The following RNLS variants were observed in gnomAD, a reference collection of about 807,000 sequenced individuals.
The protein encoded by RNLS is renalase.
A neutral mutation model predicts 39.8 loss-of-function variants in RNLS; 39 were observed. The ratio of observed to expected loss-of-function variants is 0.98; its 90% CI spans 0.76 to 1.28. RNLS has a LOEUF of 1.28. RNLS is among the 50% of genes most tolerant of loss of function. The pLI, the probability that RNLS is intolerant of heterozygous loss-of-function variation, is 0.00. For synonymous variants in RNLS, 147 were observed against 150.7 expected (o/e 0.98, Z 0.18); for missense variants, 410 against 413.3 (o/e 0.99, Z 0.07).
chr10:88,451,978 C>T (rs976751923), intron 4 of RNLS, among the ~76,000 whole-genome samples: 5 of 152,188 alleles, frequency 3.3e-5, no homozygotes, highest in Admixed American at 2.0e-4. Context: ...CTGCAAGTTG[C>T]CTAACTAGAA....
the RNLS span, among the ~76,000 whole-genome samples, chr10:88,241,456 C>G: frequency 3.9e-5 from 6 of 152,124 alleles, no homozygotes; most frequent in South Asian, 2.1e-4. Context: ...TCATGTGATT[C>G]TCTTATGATT....
At chr10:88,427,276 C>T (rs1248102034) in intron 4 of RNLS, among the ~76,000 whole-genome samples, 1 of 151,984 alleles carries the variant, frequency 6.6e-6, no homozygotes, top group Non-Finnish European at 1.5e-5. Flanking sequence ...AAAAGTCCTA[C>T]TGTGCTGGAG....
At chr10:88,266,526 C>A in the RNLS span, among the ~76,000 whole-genome samples, 2 of 152,098 alleles carry the variant, frequency 1.3e-5, no homozygotes, top group African/African-American at 4.8e-5. Flanking sequence ...ATTTCTAATC[C>A]CATTGCTTTG....
chr10:88,197,373 C>T, the RNLS span, among the ~76,000 whole-genome samples: 4 of 152,176 alleles, frequency 2.6e-5, no homozygotes, highest in African/African-American at 4.8e-5. Flanking sequence ...CAATATGGCA[C>T]CTTCCTGGGG....
chr10:88,201,658 A>C, the RNLS span, among the ~76,000 whole-genome samples: 220 of 150,980 alleles, frequency 1.5e-3, 1 homozygote, highest in Middle Eastern at 6.8e-3. Context: ...CCCTCGCTGA[A>C]CCCTTCTTAG....
chr10:88,232,327 T>A, the RNLS span, among the ~76,000 whole-genome samples: 1 of 152,198 alleles, frequency 6.6e-6, no homozygotes, highest in East Asian at 1.9e-4. Context: ...AGAATGGTGA[T>A]GAGATCCAGA....
intron 4 of RNLS, among the ~76,000 whole-genome samples, chr10:88,501,987 A>G (rs1310506891): frequency 6.6e-6 from 1 of 152,082 alleles, no homozygotes; most frequent in Non-Finnish European, 1.5e-5. Context: ...GTTAGTTTAC[A>G]AGTTTCTGGA....
At chr10:88,331,420 A>G (rs1847100843) in intron 5 of RNLS, among the ~76,000 whole-genome samples, 1 of 152,228 alleles carries the variant, frequency 6.6e-6, no homozygotes, top group Non-Finnish European at 1.5e-5. Context: ...TATTTCTTCA[A>G]TTATTGATTC....
At chr10:88,486,195 C>G (rs982295257) in intron 4 of RNLS, among the ~76,000 whole-genome samples, 1 of 151,942 alleles carries the variant, frequency 6.6e-6, no homozygotes, top group African/African-American at 2.4e-5. Flanking sequence ...TGGGCCCCTT[C>G]CTTATATCAT....
chr10:88,208,461 T>G, the RNLS span, among the ~76,000 whole-genome samples: 4 of 152,296 alleles, frequency 2.6e-5, no homozygotes, highest in East Asian at 5.8e-4. Context: ...AGTGATATTT[T>G]ACTAAAGAGT....
At chr10:88,467,935 T>C (rs1310088962) in intron 4 of RNLS, among the ~76,000 whole-genome samples, 3 of 152,218 alleles carry the variant, frequency 2.0e-5, no homozygotes, top group Non-Finnish European at 4.4e-5. Context: ...ATATTACACT[T>C]TGGGAAGCAT....
At chr10:88,359,701 A>G (rs573920903) in intron 5 of RNLS, among the ~76,000 whole-genome samples, 12 of 152,354 alleles carry the variant, frequency 7.9e-5, no homozygotes, top group African/African-American at 2.6e-4. Context: ...AATTTTTAAA[A>G]TTCTATTATT....
At chr10:88,494,073 T>A (rs1006749557) in intron 4 of RNLS, among the ~76,000 whole-genome samples, 2 of 152,052 alleles carry the variant, frequency 1.3e-5, no homozygotes, top group Admixed American at 6.6e-5. Context: ...GTAATAAAAA[T>A]AAGAAACATA....
At chr10:88,172,849 T>TGTTTTTTTG in the RNLS span, among the ~76,000 whole-genome samples, 5 of 43,480 alleles carry the variant, frequency 1.1e-4, no homozygotes, top group Non-Finnish European at 2.3e-4. Context: ...GTTGTTTTTT[T>TGTTTTTTTG]TTTTTTTTTT....
At chr10:88,257,845 A>G in the RNLS span, among the ~76,000 whole-genome samples, 2 of 152,244 alleles carry the variant, frequency 1.3e-5, no homozygotes, top group African/African-American at 4.8e-5. Context: ...ATCCATGACT[A>G]TAAATGACTT....
chr10:88,510,849 GAA>G (rs950402467), intron 4 of RNLS, among the ~76,000 whole-genome samples: 1 of 133,830 alleles, frequency 7.5e-6, no homozygotes, highest in Non-Finnish European at 1.6e-5. Flanking sequence ...TCTGTTTCGA[GAA>G]AAAAAAAAAA....
chr10:88,513,617 A>G (rs1488602253), intron 4 of RNLS, among the ~76,000 whole-genome samples: 1 of 152,120 alleles, frequency 6.6e-6, no homozygotes, highest in Non-Finnish European at 1.5e-5. Flanking sequence ...GAAATACTTA[A>G]TGAATATTAT....
At chr10:88,528,598 C>T (rs1415266210) in intron 4 of RNLS, among the ~76,000 whole-genome samples, 1 of 151,968 alleles carries the variant, frequency 6.6e-6, no homozygotes, top group Non-Finnish European at 1.5e-5. Flanking sequence ...GTAATCCCAG[C>T]ACTTTGGGAG....
chr10:88,487,357 G>GA (rs1280969671), intron 4 of RNLS, among the ~76,000 whole-genome samples: 9 of 146,586 alleles, frequency 6.1e-5, no homozygotes, highest in African/African-American at 2.3e-4. Flanking sequence ...CTTTGAAAAA[G>GA]AAAAAAAAAG....
Sources: allele counts gnomAD v4.1 joint callset (sites outside exome capture counted in the v4.1 genomes callset), GRCh38; gene constraint gnomAD v4.1.1; transcripts MANE v1.5; gene names NCBI Gene and HGNC (gene_info 2026-07-23, HGNC 2026-07-21).